The following ERC2 variants were observed in gnomAD, a reference collection of about 807,000 sequenced individuals.
ERC2 encodes ERC protein 2.
Under a neutral mutation model 114.8 loss-of-function variants are expected in ERC2, and 42 were observed. That is an observed-to-expected ratio of 0.37 (90% CI 0.29 to 0.47). The LOEUF (loss-of-function observed/expected upper bound fraction) is 0.47. ERC2 is among the 20% of genes least tolerant of loss of function. The pLI, the probability that ERC2 is intolerant of heterozygous loss-of-function variation, is 0.99. For missense variants in ERC2, 939 were observed against 1,150.7 expected (o/e 0.82, Z 2.66); for synonymous variants, 454 against 425.5 (o/e 1.07, Z -0.82).
intron 6 of ERC2, among the ~76,000 whole-genome samples, chr3:56,108,124 A>T (rs2149820684): frequency 6.6e-6 from 1 of 152,326 alleles, no homozygotes; most frequent in East Asian, 1.9e-4. Context: ...CCACATCAAT[A>T]AGCAAAGTAA....
chr3:56,452,023 A>T (rs1054893442), intron 1 of ERC2, among the ~76,000 whole-genome samples: 18 of 152,210 alleles, frequency 1.2e-4, no homozygotes, highest in African/African-American at 4.3e-4. Flanking sequence ...GACAAGAACT[A>T]AGGAGGGAAG....
chr3:55,531,768 G>T (rs2053683450), intron 17 of ERC2, among the ~76,000 whole-genome samples: 1 of 152,148 alleles, frequency 6.6e-6, no homozygotes, highest in African/African-American at 2.4e-5. Context: ...TTTGTCGAAT[G>T]GTTTGCCTTT....
At chr3:55,874,924 C>T (rs2062754668) in intron 14 of ERC2, among the ~76,000 whole-genome samples, 1 of 152,098 alleles carries the variant, frequency 6.6e-6, no homozygotes, top group Admixed American at 6.5e-5. Context: ...AGAGATGTGG[C>T]CCCAAAGCAA....
chr3:55,829,813 C>A (rs2060492966), intron 14 of ERC2, among the ~76,000 whole-genome samples: 1 of 152,140 alleles, frequency 6.6e-6, no homozygotes, highest in African/African-American at 2.4e-5. Context: ...GTATAATACA[C>A]CACACCTGCC....
intron 14 of ERC2, among the ~76,000 whole-genome samples, chr3:55,777,227 C>T (rs2068694716): frequency 1.3e-5 from 2 of 152,194 alleles, no homozygotes; most frequent in Admixed American, 6.5e-5. Flanking sequence ...GGACATCTGG[C>T]TTCAGTGTGG....
intron 6 of ERC2, among the ~76,000 whole-genome samples, chr3:56,108,439 T>A (rs9811060): frequency 6.6e-6 from 1 of 152,006 alleles, no homozygotes; most frequent in East Asian, 1.9e-4. Context: ...TAAAGAAAAT[T>A]TAAATAACCA....
chr3:56,405,611 G>A (rs1186647821), intron 2 of ERC2, among the ~76,000 whole-genome samples: 1 of 150,690 alleles, frequency 6.6e-6, no homozygotes, highest in Non-Finnish European at 1.5e-5. Flanking sequence ...ATAGATAGAT[G>A]GATAGATGGA....
intron 17 of ERC2, among the ~76,000 whole-genome samples, chr3:55,624,149 T>C (rs561867384): frequency 1.4e-4 from 22 of 152,076 alleles, no homozygotes; most frequent in Non-Finnish European, 1.9e-4. Context: ...ACAGGTAGGA[T>C]GTAGGCAGAT....
At chr3:56,279,228 TA>T (rs1229077030) in intron 3 of ERC2, among the ~76,000 whole-genome samples, 1 of 152,232 alleles carries the variant, frequency 6.6e-6, no homozygotes, top group Non-Finnish European at 1.5e-5. Context: ...TATCATATAC[TA>T]AGGCATTACT....
intron 7 of ERC2, among the ~76,000 whole-genome samples, chr3:56,026,075 T>TC (rs1348064169): frequency 2.1e-5 from 3 of 145,988 alleles, no homozygotes; most frequent in African/African-American, 7.6e-5. Context: ...TTTTTTTTTT[T>TC]TTTTTTTCGA....
intron 15 of ERC2, among the ~76,000 whole-genome samples, chr3:55,733,792 C>A (rs776688795): frequency 6.6e-6 from 1 of 152,130 alleles, no homozygotes; most frequent in Non-Finnish European, 1.5e-5. Context: ...GAGAGCCTGC[C>A]CCAGGGGCTG....
At chr3:55,735,020 G>T in intron 14 of ERC2, 102 bp from the exon 15 acceptor site, 2 of 1,254,184 alleles carry the variant, frequency 1.6e-6, no homozygotes, top group South Asian at 3.4e-5. Context: ...TGTCTCAATG[G>T]AAAGAAATTA....
At chr3:56,033,702 C>T (rs73089194) in intron 7 of ERC2, among the ~76,000 whole-genome samples, 21,963 of 152,218 alleles carry the variant, frequency 0.14, 1,684 homozygotes, top group East Asian at 0.17. Flanking sequence ...ATCATGTAAT[C>T]ATCCCCACAA....
chr3:55,745,358 A>G (rs972543551), intron 14 of ERC2, among the ~76,000 whole-genome samples: 4 of 152,262 alleles, frequency 2.6e-5, no homozygotes, highest in Admixed American at 1.3e-4. Context: ...CGACTTTTAA[A>G]AAGTCAAAGT....
At chr3:56,082,751 C>T (rs1215853252) in intron 6 of ERC2, among the ~76,000 whole-genome samples, 3 of 152,028 alleles carry the variant, frequency 2.0e-5, no homozygotes, top group African/African-American at 4.8e-5. Flanking sequence ...GGACCAGTTC[C>T]GGTCCAGGGC....
intron 2 of ERC2, among the ~76,000 whole-genome samples, chr3:56,388,460 C>T (rs6802166): frequency 0.052 from 7,938 of 152,240 alleles, 471 homozygotes; most frequent in African/African-American, 0.15. Context: ...ATGCCAGCAT[C>T]ACACTTCTTG....
chr3:55,618,037 G>C (rs754036529), intron 17 of ERC2, among the ~76,000 whole-genome samples: 2 of 152,052 alleles, frequency 1.3e-5, no homozygotes, highest in African/African-American at 2.4e-5. Flanking sequence ...TACAAATCTC[G>C]GTGGTGGGAG....
At chr3:55,603,174 GA>G (rs1024232825) in intron 17 of ERC2, among the ~76,000 whole-genome samples, 1 of 152,154 alleles carries the variant, frequency 6.6e-6, no homozygotes, top group African/African-American at 2.4e-5. Context: ...GATCTCAAAT[GA>G]AAGGCTTCCT....
At chr3:56,215,059 C>T (rs1180426538) in intron 3 of ERC2, among the ~76,000 whole-genome samples, 7 of 152,108 alleles carry the variant, frequency 4.6e-5, no homozygotes, top group Admixed American at 3.9e-4. Flanking sequence ...TAAAGACCAT[C>T]GAGGCTAGGA....
Sources: allele counts gnomAD v4.1 joint callset (sites outside exome capture counted in the v4.1 genomes callset), GRCh38; gene constraint gnomAD v4.1.1; transcripts MANE v1.5; gene names NCBI Gene and HGNC (gene_info 2026-07-23, HGNC 2026-07-21).